Variants in ZNF236 observed in about 807,000 individuals in gnomAD.
The protein encoded by ZNF236 is zinc finger protein 236.
A neutral mutation model predicts 191.2 loss-of-function variants in ZNF236; 50 were observed. The observed-to-expected ratio is 0.26, with a 90% CI of 0.21 to 0.33. The LOEUF (loss-of-function observed/expected upper bound fraction) is 0.33. Ranked by LOEUF, ZNF236 falls within the 10% of genes least tolerant of loss-of-function variation. The pLI is 1.00. For synonymous variants in ZNF236, 907 were observed against 928.8 expected (o/e 0.98, Z 0.43); for missense variants, 1,754 against 2,374.5 (o/e 0.74, Z 5.43).
intron 5 of ZNF236, among the ~76,000 whole-genome samples, chr18:76,873,883 CT>C (rs1976645185): frequency 6.6e-6 from 1 of 151,454 alleles, no homozygotes. Flanking sequence ...TCCTGCCCCC[CT>C]GTCGTCCTCT....
At chr18:76,956,411 C>A (rs186850931) in intron 28 of ZNF236, among the ~76,000 whole-genome samples, 95 of 152,310 alleles carry the variant, frequency 6.2e-4, no homozygotes, top group Middle Eastern at 3.4e-3. Context: ...GCAAGACAAA[C>A]TGAAATAACA....
chr18:76,932,938 G>A (rs118023454), intron 25 of ZNF236, among the ~76,000 whole-genome samples: 2,399 of 152,268 alleles, frequency 0.016, 30 homozygotes, highest in Middle Eastern at 0.021. Flanking sequence ...CCTGTGATCT[G>A]GCTAGTTCGG....
intron 11 of ZNF236, among the ~76,000 whole-genome samples, chr18:76,902,879 CTG>C (rs1449573604): frequency 6.6e-6 from 1 of 152,152 alleles, no homozygotes; most frequent in African/African-American, 2.4e-5. Context: ...GCCTGAGCCA[CTG>C]TGCCCAGCCT....
intron 3 of ZNF236, among the ~76,000 whole-genome samples, chr18:76,868,320 C>A (rs887802306): frequency 1.3e-5 from 2 of 152,074 alleles, no homozygotes; most frequent in Non-Finnish European, 2.9e-5. Flanking sequence ...CTTTCCTGAC[C>A]CTTTGTAGTG....
At chr18:76,823,767 T>A (rs1163835344) in intron 1 of ZNF236, among the ~76,000 whole-genome samples, 3 of 152,278 alleles carry the variant, frequency 2.0e-5, no homozygotes, top group South Asian at 4.1e-4. Context: ...CGGACTTTCC[T>A]GCGCAGGGGG....
At chr18:76,920,406 G>A (rs55743943) in intron 20 of ZNF236, among the ~76,000 whole-genome samples, 1 of 151,668 alleles carries the variant, frequency 6.6e-6, no homozygotes, top group African/African-American at 2.4e-5. Context: ...ACAAAATTAG[G>A]TGGGTGTAGT....
intron 1 of ZNF236, 52 bp from the exon 2 acceptor site, chr18:76,849,474 G>C: frequency 7.0e-7 from 1 of 1,427,538 alleles, no homozygotes; most frequent in Non-Finnish European, 9.3e-7. Flanking sequence ...TTTTATTTAT[G>C]TGATGAGAAT....
chr18:76,928,251 G>T, intron 25 of ZNF236, 145 bp downstream of exon 25: 1 of 621,460 alleles, frequency 1.6e-6, no homozygotes, highest in African/African-American at 1.9e-5. Flanking sequence ...TTGAAGTTTA[G>T]TGAAAATAAT....
chr18:76,950,375 G>A (rs1198741856), intron 27 of ZNF236, among the ~76,000 whole-genome samples: 6 of 152,134 alleles, frequency 3.9e-5, no homozygotes, highest in Admixed American at 1.3e-4. Flanking sequence ...AGTAGATTCC[G>A]TCTCAAGTAA....
rs1976891172 is a variant in ZNF236, at chr18:76,881,399, C to T, written c.1304C>T (p.Ser435Leu). The change falls in exon 9 of 31, where the codon TCA becomes TTA. Residue 435 changes from serine (S) to leucine (L), a missense_variant. Ser to Leu is a moderately radical substitution (Grantham distance 145, BLOSUM62 -2). Coordinates refer to ENST00000320610, the MANE Select transcript of ZNF236 (RefSeq NM_001306089.2). The part of the protein sequence containing the change: ...HAQNPDVSSV[S>L]NEQTDPTDAE... The stretch of plus-strand genomic sequence containing the variant: ...CAAAACCCAGATGTTTCCAGCGTTT[C>T]AAATGAGCAGACGGACCCCACAGAC... The T allele has an allele frequency of 6.2e-6, 10 of 1,613,826 alleles. No homozygotes were observed. The highest frequency in any genetic ancestry group is 1.7e-5 in the Admixed American group (1 of 59,972).
intron 1 of ZNF236, among the ~76,000 whole-genome samples, chr18:76,840,133 T>C (rs1425025478): frequency 2.6e-5 from 4 of 152,232 alleles, no homozygotes; most frequent in African/African-American, 9.6e-5. Flanking sequence ...TTACAGTCTT[T>C]CTTTAGAAAT....
chr18:76,956,066 C>T lies in ZNF236; in HGVS notation c.4996C>T (p.Arg1666Cys), dbSNP rs777297445. ...GGCGCACCAGTGCCTGGAGTGTGACCGCGCCTTCTCATCGGCGGCGGTGCT... is the reference window on the plus strand; with the variant it reads ...GGCGCACCAGTGCCTGGAGTGTGACTGCGCCTTCTCATCGGCGGCGGTGCT... ...GRAHQCLECD[R>C]AFSSAAVLMH... is the part of the protein sequence containing the mutation. The change falls in exon 28 of 31, where the codon CGC becomes TGC. Residue 1666 changes from arginine (R) to cysteine (C), a missense_variant. Transcript: ENST00000320610. The T allele has an allele frequency of 1.6e-5, 25 of 1,607,208 alleles. No homozygotes were observed. Among genetic ancestry groups the T allele is most frequent in the Admixed American group, 3.4e-5 (2 of 59,402 alleles).
At chr18:76,931,809 A>T (rs891828034) in intron 25 of ZNF236, among the ~76,000 whole-genome samples, 12 of 152,236 alleles carry the variant, frequency 7.9e-5, no homozygotes, top group African/African-American at 2.9e-4. Context: ...TAACATACCT[A>T]TCTCGTTCTC....
At chr18:76,942,834 CA>C (rs1402781162) in intron 26 of ZNF236, among the ~76,000 whole-genome samples, 1 of 148,860 alleles carries the variant, frequency 6.7e-6, no homozygotes, top group Non-Finnish European at 1.5e-5. Context: ...AAATAATGGG[CA>C]AATTTGGCTG....
At chr18:76,864,730 A>T (rs532641791) in intron 3 of ZNF236, among the ~76,000 whole-genome samples, 15 of 151,102 alleles carry the variant, frequency 9.9e-5, no homozygotes, top group African/African-American at 3.7e-4. Flanking sequence ...TTAAAGAGGG[A>T]AAACGGTACA....
chr18:76,825,977 T>C (rs144576801), intron 1 of ZNF236, among the ~76,000 whole-genome samples: 5 of 152,372 alleles, frequency 3.3e-5, no homozygotes, highest in Non-Finnish European at 7.3e-5. Flanking sequence ...CTCTATCACT[T>C]ACTGTGTTAA....
chr18:76,951,381 C>T (rs1436733894), intron 27 of ZNF236, among the ~76,000 whole-genome samples: 1 of 152,224 alleles, frequency 6.6e-6, no homozygotes, highest in Non-Finnish European at 1.5e-5. Flanking sequence ...GGAGAACTTG[C>T]TGCAGCTTCT....
intron 27 of ZNF236, among the ~76,000 whole-genome samples, chr18:76,955,225 T>C (rs902283332): frequency 1.3e-5 from 2 of 151,998 alleles, no homozygotes; most frequent in Non-Finnish European, 2.9e-5. Context: ...CTAGGCAACA[T>C]AGGGAGACCC....
intron 19 of ZNF236, among the ~76,000 whole-genome samples, chr18:76,916,955 G>T (rs1391702032): frequency 6.6e-6 from 1 of 152,212 alleles, no homozygotes; most frequent in Non-Finnish European, 1.5e-5. Context: ...AAAGACCACA[G>T]TGAGACCATC....
Sources: gnomAD v4.1 joint callset for allele counts (sites outside exome capture counted in the v4.1 genomes callset) on GRCh38, gnomAD v4.1.1 for gene constraint, MANE v1.5 for transcripts, NCBI Gene and HGNC (gene_info 2026-07-23, HGNC 2026-07-21) for gene names.